ADAMTS3: variants seen among roughly 807,000 people sequenced by gnomAD.
ADAMTS3 encodes the protein A disintegrin and metalloproteinase with thrombospondin motifs 3.
In ADAMTS3, 73 loss-of-function variants were observed where a neutral mutation model predicts 129.0. That is an observed-to-expected ratio of 0.57 (90% CI 0.47 to 0.69). The LOEUF (loss-of-function observed/expected upper bound fraction) is 0.69, where lower values mean the gene tolerates loss of function less well. Ranked by LOEUF, ADAMTS3 falls within the 30% of genes least tolerant of loss-of-function variation. The pLI, the probability that ADAMTS3 is intolerant of heterozygous loss-of-function variation, is 0.00. For synonymous variants in ADAMTS3, 477 were observed against 510.8 expected (o/e 0.93, Z 0.89); for missense variants, 1,457 against 1,514.5 (o/e 0.96, Z 0.63).
intron 3 of ADAMTS3, among the ~76,000 whole-genome samples, chr4:72,444,396 T>TTAAACAC (rs1718199091): frequency 6.6e-6 from 1 of 151,714 alleles, no homozygotes; most frequent in East Asian, 2.0e-4. Context: ...AGGATAAACA[T>TTAAACAC]TAAACACCTC....
chr4:72,479,124 TA>T (rs1241996063), intron 3 of ADAMTS3, among the ~76,000 whole-genome samples: 1 of 152,072 alleles, frequency 6.6e-6, no homozygotes, highest in African/African-American at 2.4e-5. Context: ...CTGCCCAGGG[TA>T]ATTTATAGAT....
At chr4:72,476,348 A>G (rs1047903991) in intron 3 of ADAMTS3, among the ~76,000 whole-genome samples, 2 of 152,228 alleles carry the variant, frequency 1.3e-5, no homozygotes, top group Admixed American at 1.3e-4. Flanking sequence ...AATTCCATCA[A>G]TATAAATTTA....
intron 3 of ADAMTS3, among the ~76,000 whole-genome samples, chr4:72,475,433 T>A (rs777752318): frequency 2.2e-4 from 34 of 152,014 alleles, no homozygotes; most frequent in Admixed American, 8.5e-4. Context: ...TATATAATTA[T>A]AAAATAGTCA....
rs577467611 is a variant in ADAMTS3 at position 72,393,448 on chromosome 4, A to G, written c.661+21367T>C. On this transcript the variant is annotated intron_variant, in intron 4 of 21. Transcript: ENST00000286657. ...AAATATGTAAGTAATAAATGAATAC[A>G]TAATTGAATTTTAAAATTCATGCAA... Among the ~76,000 whole-genome samples, 15 of 152,338 alleles carry G rather than the reference A, an allele frequency of 9.8e-5. 1 individual carries two copies. In the South Asian group the frequency reaches 2.9e-3, roughly 29 times the overall value.
chr4:72,390,319 C>T (rs188399133), intron 4 of ADAMTS3, among the ~76,000 whole-genome samples: 1 of 152,090 alleles, frequency 6.6e-6, no homozygotes, highest in East Asian at 1.9e-4. Context: ...ATAATAAGTA[C>T]ATTTATTTGT....
At chr4:72,384,379 T>TA (rs1177816049) in intron 4 of ADAMTS3, among the ~76,000 whole-genome samples, 1 of 152,146 alleles carries the variant, frequency 6.6e-6, no homozygotes, top group African/African-American at 2.4e-5. Context: ...GTCACATTGT[T>TA]AAAACCACAG....
At chr4:72,478,196 G>T (rs974478095) in intron 3 of ADAMTS3, among the ~76,000 whole-genome samples, 7 of 152,076 alleles carry the variant, frequency 4.6e-5, no homozygotes, top group African/African-American at 1.7e-4. Flanking sequence ...ATTTTATGAG[G>T]CCAGCTTCAT....
intron 3 of ADAMTS3, among the ~76,000 whole-genome samples, chr4:72,516,669 T>C (rs867899411): frequency 6.6e-6 from 1 of 152,170 alleles, no homozygotes; most frequent in Admixed American, 6.5e-5. Flanking sequence ...ATGCTTGTGA[T>C]TTTTGTACAT....
chr4:72,434,446 C>T (rs538073164), intron 3 of ADAMTS3, among the ~76,000 whole-genome samples: 41 of 151,696 alleles, frequency 2.7e-4, no homozygotes, highest in Middle Eastern at 6.8e-3. Context: ...GAATAAGGTC[C>T]CGGACCTTTA....
chr4:72,560,258 T>C (rs1390543058), intron 2 of ADAMTS3, among the ~76,000 whole-genome samples: 1 of 142,818 alleles, frequency 7.0e-6, no homozygotes, highest in African/African-American at 2.6e-5. Context: ...AAAAGAAAAA[T>C]CTAGGCAATA....
chr4:72,359,398 T>C (rs1379585612), intron 4 of ADAMTS3, among the ~76,000 whole-genome samples: 2 of 152,042 alleles, frequency 1.3e-5, no homozygotes, highest in Admixed American at 6.6e-5. Context: ...CCTCAAGATA[T>C]AGTGTATAGT....
At chr4:72,327,688 C>T (rs1307621666) in intron 5 of ADAMTS3, among the ~76,000 whole-genome samples, 2 of 152,152 alleles carry the variant, frequency 1.3e-5, no homozygotes, top group Non-Finnish European at 2.9e-5. Flanking sequence ...TGTAGTTCCA[C>T]AGATCTGCAG....
intron 4 of ADAMTS3, among the ~76,000 whole-genome samples, chr4:72,381,975 T>C (rs1721300954): frequency 6.6e-6 from 1 of 152,164 alleles, no homozygotes; most frequent in African/African-American, 2.4e-5. Context: ...GCAGAAGAGG[T>C]TCTCAATTAC....
chr4:72,478,288 C>T (rs1403450690), intron 3 of ADAMTS3, among the ~76,000 whole-genome samples: 1 of 151,740 alleles, frequency 6.6e-6, no homozygotes, highest in Non-Finnish European at 1.5e-5. Context: ...ATGCAAAAAT[C>T]CTCAATAAAA....
intron 4 of ADAMTS3, among the ~76,000 whole-genome samples, chr4:72,398,007 G>T (rs1721770139): frequency 6.6e-6 from 1 of 152,122 alleles, no homozygotes; most frequent in Non-Finnish European, 1.5e-5. Context: ...GATAGTAAGG[G>T]ATAAGGAGCC....
intron 5 of ADAMTS3, among the ~76,000 whole-genome samples, chr4:72,337,124 A>G (rs72862368): frequency 0.023 from 3,536 of 152,142 alleles, 137 homozygotes; most frequent in African/African-American, 0.08. Flanking sequence ...TGTTATTCTT[A>G]CCTCTCCAAA....
At chr4:72,502,112 G>T (rs976864617) in intron 3 of ADAMTS3, among the ~76,000 whole-genome samples, 2 of 152,054 alleles carry the variant, frequency 1.3e-5, no homozygotes, top group African/African-American at 4.8e-5. Flanking sequence ...TTGGTATCAG[G>T]GTAATGCTGG....
chr4:72,549,891 T>G (rs77734504), intron 2 of ADAMTS3, among the ~76,000 whole-genome samples: 2,856 of 146,226 alleles, frequency 0.02, 88 homozygotes, highest in African/African-American at 0.069. Context: ...ATAAGAATGA[T>G]TTTAAGACCA....
intron 5 of ADAMTS3, among the ~76,000 whole-genome samples, chr4:72,328,642 G>A (rs371209572): frequency 1.7e-4 from 26 of 152,184 alleles, no homozygotes; most frequent in African/African-American, 6.0e-4. Context: ...ATTGTTGAAA[G>A]GAATAAATGA....
Sources: gnomAD v4.1 joint callset for allele counts (sites outside exome capture counted in the v4.1 genomes callset) on GRCh38, gnomAD v4.1.1 for gene constraint, MANE v1.5 for transcripts, NCBI Gene and HGNC (gene_info 2026-07-23, HGNC 2026-07-21) for gene names.